Variants in DUOXA2 observed in about 807,000 individuals in gnomAD.
DUOXA2 encodes dual oxidase maturation factor 2.
DUOXA2 carries 22 observed loss-of-function variants against 27.6 expected under a neutral mutation model. The observed-to-expected ratio is 0.80, with a 90% CI of 0.57 to 1.14. The LOEUF is 1.14. DUOXA2 is among the 50% of genes most tolerant of loss of function. The pLI, the probability that DUOXA2 is intolerant of heterozygous loss-of-function variation, is 0.00. For synonymous variants in DUOXA2, 188 were observed against 184.4 expected, an observed-to-expected ratio of 1.02 and a Z score of -0.16; for missense variants, 481 against 419.9, an observed-to-expected ratio of 1.15 and a Z score of -1.27.
chr15:45,116,183 G>C lies in DUOXA2; in HGVS notation c.265G>C (p.Ala89Pro). 6.2e-7 allele frequency: 1 copy of C among 1,612,388 alleles called. No individual in the cohort carries two copies. Among genetic ancestry groups the C allele is most frequent in the South Asian group, 1.1e-5 (1 of 91,024 alleles). Residue 89 changes from alanine (A) to proline (P), a missense_variant, in exon 3 of 6, where the codon GCC becomes CCC. Ala to Pro is a conservative substitution (Grantham distance 27). Transcript: ENST00000323030. ...GTVNTNTSYK[A>P]FSAARVTARV... ...AGTGAACACCAACACATCCTACAAA[G>C]CCTTCAGCGCAGCGCGCGTTACAGC...
intron 4 of DUOXA2, 114 bp from the exon 5 acceptor site, chr15:45,116,977 C>A: frequency 1.5e-6 from 2 of 1,306,034 alleles, no homozygotes; most frequent in Non-Finnish European, 2.1e-6. Context: ...TGCACCGCTG[C>A]CATCCCAGTC....
Position 45,114,505 on chromosome 15 carries a change from G to T in DUOXA2, c.-101G>T. 2.0e-6 allele frequency: 3 copies of T among 1,536,940 alleles called. No homozygotes were observed. The highest frequency in any genetic ancestry group is 2.6e-6 in the Non-Finnish European group (3 of 1,135,068). ...CACCAGCCCACTCGGTCCCAGCCTTGTACGCAAAGAGACGCCAAGGACGCG... is the reference window on the plus strand; with the variant it reads ...CACCAGCCCACTCGGTCCCAGCCTTTTACGCAAAGAGACGCCAAGGACGCG... On this transcript the variant is annotated 5_prime_UTR_variant, in exon 1 of 6. Coordinates refer to ENST00000323030, the MANE Select transcript of DUOXA2 (RefSeq NM_207581.4).
intron 5 of DUOXA2, 72 bp downstream of exon 5, chr15:45,117,377 G>C: frequency 6.6e-7 from 1 of 1,505,984 alleles, no homozygotes; most frequent in Non-Finnish European, 8.9e-7. Flanking sequence ...GCACTTTCCA[G>C]TTTACAGAAT....
Position 45,114,681 on chromosome 15 carries a change from A to T in DUOXA2, c.76A>T (p.Ile26Phe), listed in dbSNP as rs1265469398. The change falls in exon 1 of 6, where the codon ATC becomes TTC. Residue 26 changes from isoleucine to phenylalanine, a missense_variant. Physicochemically the swap from Ile to Phe is conservative, Grantham distance 21. Coordinates refer to ENST00000323030, the MANE Select transcript of DUOXA2 (RefSeq NM_207581.4). ...HAAGFSVPLL[I>F]VILVFLALAA... is the part of the protein sequence containing the mutation. Reference sequence around the variant, plus strand: ...CGCAGGCTTCAGCGTTCCACTGCTCATCGTTATTCTAGTGTTTTTGGCTCT... The same window carrying T: ...CGCAGGCTTCAGCGTTCCACTGCTCTTCGTTATTCTAGTGTTTTTGGCTCT... The T allele has an allele frequency of 6.2e-7, 1 of 1,614,180 alleles. No individual in the cohort carries two copies. Among genetic ancestry groups the T allele is most frequent in the Non-Finnish European group, 8.5e-7 (1 of 1,180,032 alleles).
chr15:45,114,649 G>A lies in DUOXA2; in HGVS notation c.44G>A (p.Arg15Gln), dbSNP rs1462684744. The change falls in exon 1 of 6, where the codon CGG (arginine) becomes CAG (glutamine). Residue 15 changes from arginine (R) to glutamine (Q), a missense_variant. Transcript: ENST00000323030. ...GTACTGCCTTTTTACCCCCAGCCCCGGCATGCCGCAGGCTTCAGCGTTCCA... is the reference window on the plus strand; with the variant it reads ...GTACTGCCTTTTTACCCCCAGCCCCAGCATGCCGCAGGCTTCAGCGTTCCA... Reference protein sequence around the residue: ...NGVLPFYPQPRHAAGFSVPLL... With the variant: ...NGVLPFYPQPQHAAGFSVPLL... 6.2e-7 allele frequency: 1 copy of A among 1,614,186 alleles called. No individual in the cohort carries two copies. Among genetic ancestry groups the A allele is most frequent in the Non-Finnish European group, 8.5e-7 (1 of 1,180,024 alleles).
chr15:45,117,344 G>A, intron 5 of DUOXA2, 39 bp downstream of exon 5: 1 of 1,543,914 alleles, frequency 6.5e-7, no homozygotes, highest in Non-Finnish European at 8.8e-7. Context: ...GCTAAGGGTG[G>A]AGACAGGATT....
rs374985652 is a variant in DUOXA2, at chr15:45,117,343, G to GGA, written c.769+41_769+42dup. On this transcript the variant is annotated intron_variant, in intron 5 of 5. Coordinates refer to ENST00000323030, the MANE Select transcript of DUOXA2 (RefSeq NM_207581.4). The stretch of plus-strand genomic sequence containing the variant: ...AGAATGGGCCCCGGGGGCTAAGGGT[G>GGA]GAGACAGGATTCACACCGGGTGTGC... 152 of 1,545,798 alleles carry GGA rather than the reference G, an allele frequency of 9.8e-5. 1 individual carries two copies. In the African/African-American group the frequency reaches 1.8e-3, roughly 18 times the overall value.
rs755861594 is a variant in DUOXA2, at chr15:45,117,934, C to T, written c.*25C>T. The stretch of plus-strand genomic sequence containing the variant: ...AGGGGGACCCAATCTGGACTCCTTC[C>T]CCGCCTTGGGACATCGCAGGCCGGG... On this transcript the variant is annotated 3_prime_UTR_variant, in exon 6 of 6. Transcript: ENST00000323030. 3.1e-6 allele frequency: 5 copies of T among 1,613,092 alleles called. No homozygotes were observed. The highest frequency in any genetic ancestry group is 4.2e-6 in the Non-Finnish European group (5 of 1,180,012).
rs200536870 is a variant in DUOXA2 at position 45,116,149 on chromosome 15, C to G, written c.231C>G (p.Phe77Leu). ...IVAVHFSAEW[F>L]VGTVNTNTSY... ...CTGTGCACTTCAGTGCAGAATGGTTCGTGGGTACAGTGAACACCAACACAT... is the reference window on the plus strand; with the variant it reads ...CTGTGCACTTCAGTGCAGAATGGTTGGTGGGTACAGTGAACACCAACACAT... The change falls in exon 3 of 6, where the codon TTC becomes TTG. Residue 77 changes from phenylalanine (F) to leucine (L), a missense_variant. Physicochemically the swap from Phe to Leu is conservative, Grantham distance 22. Coordinates refer to ENST00000323030, the MANE Select transcript of DUOXA2 (RefSeq NM_207581.4). The G allele has an allele frequency of 2.5e-6, 4 of 1,606,352 alleles. No individual in the cohort carries two copies. Among genetic ancestry groups the G allele is most frequent in the Admixed American group, 3.3e-5 (2 of 59,768 alleles).
chr15:45,115,543 G>A (rs1042623205), intron 1 of DUOXA2: 2 of 658,762 alleles, frequency 3.0e-6, no homozygotes, highest in South Asian at 3.0e-5. Context: ...GAAGGTGGTG[G>A]AAGAGTGCCA....
In DUOXA2 at chr15:45,118,015, G is replaced by A; in HGVS notation, c.*106G>A. 6.2e-7 allele frequency: 1 copy of A among 1,604,352 alleles called. No homozygotes were observed. The highest frequency in any genetic ancestry group is 8.5e-7 in the Non-Finnish European group (1 of 1,173,120). The stretch of plus-strand genomic sequence containing the variant: ...AGCTCCAGGAAGGGCACTGAGCGCT[G>A]CTGGCGCGAGGCCTCGGACATCCGC... On this transcript the variant is annotated 3_prime_UTR_variant, in exon 6 of 6. Coordinates refer to ENST00000323030, the MANE Select transcript of DUOXA2 (RefSeq NM_207581.4).
intron 2 of DUOXA2, 34 bp downstream of exon 2, chr15:45,115,890 G>T: frequency 1.2e-6 from 2 of 1,613,920 alleles, no homozygotes; most frequent in Non-Finnish European, 8.5e-7. Flanking sequence ...GGGAGAGGAC[G>T]GGGTGAGGAA....
chr15:45,117,478 T>C, intron 5 of DUOXA2, 173 bp downstream of exon 5: 2 of 1,550,522 alleles, frequency 1.3e-6, no homozygotes, highest in Non-Finnish European at 1.7e-6. Flanking sequence ...AGTGGGGGGC[T>C]CAGAAGGGTT....
At chr15:45,115,454 C>T in intron 1 of DUOXA2, 1 of 526,146 alleles carries the variant, frequency 1.9e-6, no homozygotes, top group Non-Finnish European at 3.7e-6. Flanking sequence ...CCTAGCACTT[C>T]TGGACTCACT....
At chr15:45,117,589 G>T in intron 5 of DUOXA2, 127 bp from the exon 6 acceptor site, 7 of 1,611,206 alleles carry the variant, frequency 4.3e-6, no homozygotes, top group Non-Finnish European at 5.9e-6. Context: ...CGGGCATCAC[G>T]CCTGTAATCC....
At position 45,117,938 on chromosome 15, in the gene DUOXA2, C is replaced by T; in HGVS notation, c.*29C>T. 1.2e-6 allele frequency: 2 copies of T among 1,613,140 alleles called. No homozygotes were observed. The highest frequency in any genetic ancestry group is 1.7e-6 in the Non-Finnish European group (2 of 1,179,948). On this transcript the variant is annotated 3_prime_UTR_variant, in exon 6 of 6. Transcript: ENST00000323030. ...GGACCCAATCTGGACTCCTTCCCCG[C>T]CTTGGGACATCGCAGGCCGGGAAGC...
rs191250593 is a variant in DUOXA2 at position 45,115,781 on chromosome 15, G to C, written c.148-18G>C. 6.2e-7 allele frequency: 1 copy of C among 1,614,130 alleles called. No homozygotes were observed. Among genetic ancestry groups the C allele is most frequent in the Non-Finnish European group, 8.5e-7 (1 of 1,180,026 alleles). On this transcript the variant is annotated intron_variant, in intron 1 of 5. Transcript: ENST00000323030. ...GTTTGGCAGGGCTCAGGCCTGACCC[G>C]GGTGCCTATTCCTGCAGCGCTGGTT...
intron 1 of DUOXA2, 46 bp downstream of exon 1, chr15:45,114,798 G>A (rs1259060247): frequency 1.2e-6 from 2 of 1,613,728 alleles, no homozygotes; most frequent in Non-Finnish European, 1.7e-6. Flanking sequence ...AAGGCTCATG[G>A]GCAGATTGTC....
chr15:45,115,398 G>T (rs774828266), intron 1 of DUOXA2: 2 of 477,950 alleles, frequency 4.2e-6, no homozygotes, highest in South Asian at 3.1e-5. Flanking sequence ...TCCCCTCGGA[G>T]ATCAGGCTGG....
Sources: gnomAD v4.1 joint callset for allele counts on GRCh38, gnomAD v4.1.1 for gene constraint, MANE v1.5 for transcripts, NCBI Gene and HGNC (gene_info 2026-07-23, HGNC 2026-07-21) for gene names.